The following C1orf141 variants were observed in gnomAD, a reference collection of about 807,000 sequenced individuals.
The protein encoded by C1orf141 is uncharacterized protein C1orf141.
C1orf141 carries 19 observed loss-of-function variants against 23.2 expected under a neutral mutation model. The ratio of observed to expected loss-of-function variants is 0.82; its 90% confidence interval spans 0.57 to 1.20. C1orf141 has a LOEUF of 1.20. C1orf141 is among the 50% of genes most tolerant of loss of function. The pLI is 0.00. For missense variants in C1orf141, 469 were observed against 455.1 expected (o/e 1.03, Z -0.28); for synonymous variants, 153 against 154.6 (o/e 0.99, Z 0.08).
intron 5 of C1orf141, among the ~76,000 whole-genome samples, chr1:67,110,730 A>C (rs887401197): frequency 6.6e-6 from 1 of 151,830 alleles, no homozygotes; most frequent in African/African-American, 2.4e-5. Context: ...GTTATGTTGT[A>C]ATACATAGCT....
upstream of C1orf141, among the ~76,000 whole-genome samples, chr1:67,137,182 G>A (rs1399755912): frequency 6.6e-6 from 1 of 152,142 alleles, no homozygotes; most frequent in East Asian, 1.9e-4. Context: ...ACCCTGAATA[G>A]AACCCTCAGG....
intron 5 of C1orf141, chr1:67,111,484 C>T: frequency 2.1e-6 from 1 of 475,008 alleles, no homozygotes; most frequent in Non-Finnish European, 3.6e-6. Context: ...CTAAAATTCA[C>T]TTGAATTTTG....
intron 5 of C1orf141, among the ~76,000 whole-genome samples, chr1:67,098,750 A>T (rs1436572326): frequency 1.3e-5 from 2 of 152,138 alleles, no homozygotes; most frequent in African/African-American, 4.8e-5. Context: ...ATGTTTAGAA[A>T]TTTCAAGGGT....
chr1:67,094,184 G>A (rs1461150090), intron 7 of C1orf141: 15 of 152,164 alleles, frequency 9.9e-5, no homozygotes, highest in Admixed American at 9.8e-4. Flanking sequence ...GTAATAGATT[G>A]ACTTAAGAAT....
intron 5 of C1orf141, among the ~76,000 whole-genome samples, chr1:67,104,901 C>A (rs1049939775): frequency 6.6e-6 from 1 of 152,030 alleles, no homozygotes; most frequent in Admixed American, 6.6e-5. Flanking sequence ...AACTCATTAC[C>A]CATAGGTCAA....
upstream of C1orf141, among the ~76,000 whole-genome samples, chr1:67,135,617 AGC>A (rs1646578453): frequency 6.6e-6 from 1 of 152,192 alleles, no homozygotes; most frequent in South Asian, 2.1e-4. Context: ...CACTTGTGTG[AGC>A]AGAAAATGCA....
At chr1:67,097,147 C>A (rs569361552) in intron 5 of C1orf141, among the ~76,000 whole-genome samples, 14 of 152,018 alleles carry the variant, frequency 9.2e-5, no homozygotes, top group African/African-American at 3.4e-4. Flanking sequence ...CTGCTTAAGG[C>A]CAGGAGTTTG....
intron 2 of C1orf141, among the ~76,000 whole-genome samples, chr1:67,128,361 ATT>A (rs1558206383): frequency 6.8e-4 from 1 of 1,476 alleles, no homozygotes; most frequent in Non-Finnish European, 1.2e-3. Context: ...CCCTTTATTT[ATT>A]TATTTATTTA....
At chr1:67,134,286 A>G (rs1316533103) in intron 1 of C1orf141, among the ~76,000 whole-genome samples, 4 of 151,588 alleles carry the variant, frequency 2.6e-5, no homozygotes, top group Non-Finnish European at 5.9e-5. Flanking sequence ...TTACAGGCGT[A>G]AGCCAACGCG....
chr1:67,128,080 C>T (rs1470520363), intron 2 of C1orf141, among the ~76,000 whole-genome samples: 1 of 152,092 alleles, frequency 6.6e-6, no homozygotes, highest in Non-Finnish European at 1.5e-5. Flanking sequence ...ATGTAGCAGG[C>T]AATTAGTCAC....
chr1:67,103,334 C>T (rs1645847650), intron 5 of C1orf141: 5 of 1,486,976 alleles, frequency 3.4e-6, no homozygotes, highest in Non-Finnish European at 4.5e-6. Flanking sequence ...CTTCTACATG[C>T]TTGTCTATGC....
At chr1:67,134,106 C>A (rs1244841457) in intron 1 of C1orf141, among the ~76,000 whole-genome samples, 1 of 152,152 alleles carries the variant, frequency 6.6e-6, no homozygotes, top group East Asian at 1.9e-4. Context: ...CAGGTTCAAG[C>A]GATTCTCCTG....
chr1:67,121,812 T>A (rs770169737), intron 4 of C1orf141: 1 of 151,716 alleles, frequency 6.6e-6, no homozygotes, highest in Non-Finnish European at 1.5e-5. Context: ...TGAGGAGGAG[T>A]TGTGCTAGAA....
At chr1:67,136,788 T>G (rs1013378467), upstream of C1orf141, among the ~76,000 whole-genome samples, 6 of 152,192 alleles carry the variant, frequency 3.9e-5, no homozygotes, top group African/African-American at 1.4e-4. Flanking sequence ...GCCCAGCATC[T>G]TATAATTAGT....
rs1646510269 is a variant in C1orf141 at position 67,131,202 on chromosome 1, G to A, written c.-78C>T. On this transcript the variant is annotated 5_prime_UTR_variant, in exon 2 of 8. Coordinates refer to ENST00000684719, the MANE Select transcript of C1orf141 (RefSeq NM_001276351.2). ...GGGTCACTTGAGGTCAGGAGTTTGA[G>A]ACCAGGCTGGCCAACATGATGAAAT... 6.6e-6 allele frequency: 1 copy of A among 152,066 alleles called. No homozygotes were observed. Among genetic ancestry groups the A allele is most frequent in the East Asian group, 1.9e-4 (1 of 5,224 alleles). The allele number at this position is 152,066 out of a possible 1,614,324, so 9.4% of individuals were successfully genotyped here.
intron 2 of C1orf141, among the ~76,000 whole-genome samples, chr1:67,130,766 C>T (rs1000506754): frequency 7.9e-5 from 12 of 152,012 alleles, no homozygotes; most frequent in Admixed American, 1.3e-4. Flanking sequence ...CTAAATTTGC[C>T]GGTTAATGAA....
chr1:67,096,356 A>G (rs750379859), intron 5 of C1orf141, 35 bp from the exon 6 acceptor site: 2 of 1,040,270 alleles, frequency 1.9e-6, no homozygotes. Context: ...AAAGACACAT[A>G]GATATTCTGA....
intron 5 of C1orf141, among the ~76,000 whole-genome samples, chr1:67,106,889 T>C (rs79455268): frequency 1.3e-5 from 2 of 152,246 alleles, no homozygotes; most frequent in African/African-American, 4.8e-5. Flanking sequence ...GATAGATCAA[T>C]AGAAATTACT....
chr1:67,097,461 G>A (rs1280383745), intron 5 of C1orf141, among the ~76,000 whole-genome samples: 1 of 152,066 alleles, frequency 6.6e-6, no homozygotes, highest in African/African-American at 2.4e-5. Context: ...AGCCAGCATG[G>A]AATGCTGAAA....
Sources: allele counts gnomAD v4.1 joint callset (sites outside exome capture counted in the v4.1 genomes callset), GRCh38; gene constraint gnomAD v4.1.1; transcripts MANE v1.5; gene names NCBI Gene and HGNC (gene_info 2026-07-23, HGNC 2026-07-21).